The following MACC1 variants were observed in gnomAD, a reference collection of about 807,000 sequenced individuals.
MACC1 encodes metastasis-associated in colon cancer protein 1.
A neutral mutation model predicts 70.7 loss-of-function variants in MACC1; 79 were observed. The ratio of observed to expected loss-of-function variants is 1.12; its 90% confidence interval spans 0.93 to 1.35. MACC1 has a LOEUF of 1.35. Ranked by LOEUF, MACC1 falls within the 40% of genes most tolerant of loss-of-function variation. MACC1 has a pLI of 0.00. For synonymous variants in MACC1, 361 were observed against 347.2 expected, an observed-to-expected ratio of 1.04 and a Z score of -0.44; for missense variants, 1,106 against 978.1, an observed-to-expected ratio of 1.13 and a Z score of -1.74.
At chr7:20,173,892 C>A (rs1782350951) in intron 1 of MACC1, among the ~76,000 whole-genome samples, 1 of 152,162 alleles carries the variant, frequency 6.6e-6, no homozygotes. Flanking sequence ...TTTTGAGGAG[C>A]AGTTGCGTCA....
chr7:20,170,291 A>T (rs1259143521), intron 2 of MACC1: 1 of 152,246 alleles, frequency 6.6e-6, no homozygotes, highest in Non-Finnish European at 1.5e-5. Flanking sequence ...AAGCTTTTTT[A>T]AAAAATTGTT....
At chr7:20,215,456 G>C (rs1386546128) in intron 1 of MACC1, among the ~76,000 whole-genome samples, 1 of 152,192 alleles carries the variant, frequency 6.6e-6, no homozygotes, top group African/African-American at 2.4e-5. Context: ...CACCCTTTTA[G>C]AAGTATACAG....
chr7:20,159,230 G>A lies in MACC1; in HGVS notation c.1131C>T (p.Pro377=). The part of the protein sequence containing the change: ...HKTTSIGIYG[P]KYIHPSFTVV... The stretch of plus-strand genomic sequence containing the variant: ...CAGTAAAACTGGGATGGATATATTT[G>A]GGTCCATAAATTCCAATTGAGGTGG... The change falls in exon 5 of 7, where the codon CCC becomes CCT. Residue 377 remains proline, a synonymous_variant. Coordinates refer to ENST00000400331, the MANE Select transcript of MACC1 (RefSeq NM_182762.4). The A allele has an allele frequency of 6.2e-7, 1 of 1,613,844 alleles. No individual in the cohort carries two copies. The highest frequency in any genetic ancestry group is 2.2e-5 in the East Asian group (1 of 44,872).
At position 20,159,905 on chromosome 7, in the gene MACC1, A is replaced by G. The variant is rs1262233508; in HGVS notation, c.456T>C (p.His152=). The part of the protein sequence containing the change: ...ELLDILDDTA[H]AHQSIHNSDQ... ...CAGAGTTATGTATACTCTGATGGGC[A>G]TGTGCTGTGTCGTCTAAAATGTCCA... Residue 152 remains histidine, a synonymous_variant, in exon 5 of 7, where the codon CAT becomes CAC. Transcript: ENST00000400331. 4 of 1,614,134 alleles carry G rather than the reference A, an allele frequency of 2.5e-6. No individual in the cohort carries two copies. Among genetic ancestry groups the G allele is most frequent in the Non-Finnish European group, 3.4e-6 (4 of 1,180,020 alleles).
intron 1 of MACC1, among the ~76,000 whole-genome samples, chr7:20,192,988 C>G (rs181192462): frequency 6.6e-6 from 1 of 152,112 alleles, no homozygotes; most frequent in Non-Finnish European, 1.5e-5. Flanking sequence ...AGTTCCCTAG[C>G]GATTTATGTT....
chr7:20,158,371 A>G lies in MACC1; in HGVS notation c.1990T>C (p.Trp664Arg). Residue 664 changes from tryptophan (W) to arginine (R), a missense_variant, in exon 5 of 7, where the codon TGG becomes CGG. Coordinates refer to ENST00000400331, the MANE Select transcript of MACC1 (RefSeq NM_182762.4). Reference protein sequence around the residue: ...LTLVSEKVYDWKVLADVLGYS... With the variant: ...LTLVSEKVYDRKVLADVLGYS... ...CCCAGGACATCAGCTAAAACTTTCC[A>G]ATCATAAACTTTTTCTGACACCAAG... is the stretch of plus-strand genomic sequence containing the variant. 6.2e-7 allele frequency: 1 copy of G among 1,613,732 alleles called. No homozygotes were observed.
At chr7:20,177,638 C>A (rs1220947721) in intron 1 of MACC1, among the ~76,000 whole-genome samples, 1 of 119,374 alleles carries the variant, frequency 8.4e-6, no homozygotes, top group Non-Finnish European at 1.6e-5. Context: ...TGTGCTTTAC[C>A]ATTTTAACGC....
Position 20,198,091 on chromosome 7 carries a change from G to C in MACC1, c.-218+19208C>G, listed in dbSNP as rs147950994. Among the ~76,000 whole-genome samples the C allele has an allele frequency of 3.7e-3, 570 of 152,324 alleles. 6 individuals are homozygous for C. Among genetic ancestry groups the C allele is most frequent in the African/African-American group, 0.013 (548 of 41,574 alleles). ...CACAGTGGCTAATCCAGGTGGTAAA[G>C]GGAATGACAGGAGGGTCTGATGTCT... is the stretch of plus-strand genomic sequence containing the variant. On this transcript the variant is annotated intron_variant, in intron 1 of 6. Transcript: ENST00000400331.
chr7:20,175,274 T>C (rs1782373968), intron 1 of MACC1, among the ~76,000 whole-genome samples: 1 of 152,090 alleles, frequency 6.6e-6, no homozygotes, highest in Non-Finnish European at 1.5e-5. Context: ...TATCCATTAT[T>C]CCAACAACCA....
At chr7:20,163,628 T>C (rs1369011505) in intron 3 of MACC1, among the ~76,000 whole-genome samples, 3 of 152,248 alleles carry the variant, frequency 2.0e-5, no homozygotes, top group African/African-American at 7.2e-5. Context: ...CACATACTGG[T>C]AGTCAGTATC....
intron 5 of MACC1, among the ~76,000 whole-genome samples, chr7:20,156,117 G>A (rs1274018017): frequency 6.6e-6 from 1 of 152,188 alleles, no homozygotes; most frequent in Non-Finnish European, 1.5e-5. Context: ...GATGACTGAA[G>A]GGTTTGGATC....
intron 6 of MACC1, among the ~76,000 whole-genome samples, chr7:20,149,665 G>A (rs759603258): frequency 9.2e-5 from 14 of 151,906 alleles, no homozygotes; most frequent in Admixed American, 2.0e-4. Context: ...ACATCACCCA[G>A]TAATTAGTAA....
intron 6 of MACC1, among the ~76,000 whole-genome samples, chr7:20,146,543 G>T (rs531190112): frequency 6.6e-6 from 1 of 152,180 alleles, no homozygotes; most frequent in African/African-American, 2.4e-5. Flanking sequence ...AATAAAATGC[G>T]TAGAATAAAT....
chr7:20,197,363 T>A (rs1782769439), intron 1 of MACC1, among the ~76,000 whole-genome samples: 1 of 152,220 alleles, frequency 6.6e-6, no homozygotes, highest in Non-Finnish European at 1.5e-5. Context: ...TTGGAATCTC[T>A]ATTGGATACC....
chr7:20,196,328 C>T (rs554128557), intron 1 of MACC1, among the ~76,000 whole-genome samples: 1 of 152,096 alleles, frequency 6.6e-6, no homozygotes, highest in East Asian at 1.9e-4. Context: ...CTACAGGCGC[C>T]CGCCACCACG....
chr7:20,197,451 C>A (rs1782770736), intron 1 of MACC1, among the ~76,000 whole-genome samples: 1 of 152,186 alleles, frequency 6.6e-6, no homozygotes, highest in Non-Finnish European at 1.5e-5. Flanking sequence ...GCCAAGATAA[C>A]AATTTTGTGG....
chr7:20,190,257 T>G (rs2128106969), intron 1 of MACC1, among the ~76,000 whole-genome samples: 1 of 152,348 alleles, frequency 6.6e-6, no homozygotes, highest in South Asian at 2.1e-4. Flanking sequence ...TGATAGTCAC[T>G]AATGCCGTTT....
At chr7:20,178,026 G>A (rs562863089) in intron 1 of MACC1, among the ~76,000 whole-genome samples, 1 of 151,784 alleles carries the variant, frequency 6.6e-6, no homozygotes, top group South Asian at 2.1e-4. Context: ...CCTTCTATTA[G>A]ATGAATAAAA....
chr7:20,181,475 G>A (rs1031577715), intron 1 of MACC1, among the ~76,000 whole-genome samples: 1 of 151,922 alleles, frequency 6.6e-6, no homozygotes, highest in Non-Finnish European at 1.5e-5. Context: ...ACAAATGACT[G>A]CTTAAGCATT....
Sources: gnomAD v4.1 joint callset for allele counts (sites outside exome capture counted in the v4.1 genomes callset) on GRCh38, gnomAD v4.1.1 for gene constraint, MANE v1.5 for transcripts, NCBI Gene and HGNC (gene_info 2026-07-23, HGNC 2026-07-21) for gene names.